The following SUMF1 variants were observed in gnomAD, a reference collection of about 807,000 sequenced individuals.
SUMF1 encodes the protein sulfatase modifying factor 1, also known as formylglycine-generating enzyme.
A neutral mutation model predicts 47.6 loss-of-function variants in SUMF1; 48 were observed. That is an observed-to-expected ratio of 1.01 (90% CI 0.80 to 1.28). The LOEUF (loss-of-function observed/expected upper bound fraction) is 1.28. Among genes scored for constraint, SUMF1 ranks in the 50% most tolerant of loss-of-function variants. The probability of loss-of-function intolerance (pLI) is 0.00; values close to 1 mark genes in which losing one functional copy is unlikely to be tolerated. For synonymous variants in SUMF1, 230 were observed against 192.1 expected, an observed-to-expected ratio of 1.20 and a Z score of -1.63; for missense variants, 571 against 485.4, an observed-to-expected ratio of 1.18 and a Z score of -1.66.
intron 8 of SUMF1, among the ~76,000 whole-genome samples, chr3:4,270,247 T>C (rs1027954957): frequency 6.6e-6 from 1 of 152,084 alleles, no homozygotes; most frequent in Non-Finnish European, 1.5e-5. Context: ...AGCACTGAAG[T>C]AAGCACTGAA....
At chr3:4,335,134 G>A (rs1699120024) in intron 8 of SUMF1, among the ~76,000 whole-genome samples, 1 of 152,056 alleles carries the variant, frequency 6.6e-6, no homozygotes, top group Non-Finnish European at 1.5e-5. Context: ...AACAAAAGAT[G>A]GACTGAAACA....
At chr3:4,179,233 G>C (rs537327425) in intron 8 of SUMF1, among the ~76,000 whole-genome samples, 1 of 152,022 alleles carries the variant, frequency 6.6e-6, no homozygotes, top group African/African-American at 2.4e-5. Context: ...GCCAAGACAA[G>C]CCTAAGCAAA....
chr3:4,453,094 G>A lies in SUMF1; in HGVS notation c.271-45C>T, dbSNP rs540534518. 3.9e-5 allele frequency: 62 copies of A among 1,579,750 alleles called. 1 individual carries two copies. The South Asian group carries it at 7.0e-4, about 18-fold the overall frequency. On this transcript the variant is annotated intron_variant, in intron 1 of 8. Transcript: ENST00000272902. Reference sequence around the variant, plus strand: ...ACAGGAAGTCATGCATCACAGCCAAGGTGTACCTGTGTAGGGGTAAAGTTC... The same window carrying A: ...ACAGGAAGTCATGCATCACAGCCAAAGTGTACCTGTGTAGGGGTAAAGTTC...
chr3:4,102,295 T>G (rs1693054289), intron 8 of SUMF1, among the ~76,000 whole-genome samples: 1 of 152,144 alleles, frequency 6.6e-6, no homozygotes, highest in African/African-American at 2.4e-5. Flanking sequence ...ACAAAAAGTT[T>G]AATATTAGAA....
Position 4,361,636 on chromosome 3 carries a change from G to A in SUMF1, c.*508C>T, listed in dbSNP as rs1316761784. ...CTTTACATGATTAGTATCACTCAAGGTTCACACATGGAAAAAATAGCTAAA... is the reference window on the plus strand; with the variant it reads ...CTTTACATGATTAGTATCACTCAAGATTCACACATGGAAAAAATAGCTAAA... On this transcript the variant is annotated 3_prime_UTR_variant, in exon 9 of 9. Transcript: ENST00000272902. 5 of 172,662 alleles carry A rather than the reference G, an allele frequency of 2.9e-5. No individual in the cohort carries two copies. Among genetic ancestry groups the A allele is most frequent in the South Asian group, 2.9e-4 (2 of 6,960 alleles). 10.7% of individuals were successfully genotyped at this position (172,662 alleles called of 1,614,324 possible).
intron 8 of SUMF1, among the ~76,000 whole-genome samples, chr3:4,134,441 C>T (rs934343022): frequency 2.0e-5 from 3 of 152,180 alleles, no homozygotes; most frequent in Admixed American, 6.5e-5. Flanking sequence ...ATACAACATA[C>T]CAGAATCTCT....
At chr3:4,416,567 T>C (rs698210) in intron 6 of SUMF1, among the ~76,000 whole-genome samples, 40,803 of 152,200 alleles carry the variant, frequency 0.27, 6,436 homozygotes, top group Non-Finnish European at 0.36. Flanking sequence ...GCTTTGGAAA[T>C]AAACCGACCT....
intron 8 of SUMF1, among the ~76,000 whole-genome samples, chr3:4,159,620 G>A (rs72492920): frequency 0.044 from 6,622 of 151,942 alleles, 425 homozygotes; most frequent in East Asian, 0.18. Flanking sequence ...GGTTCTGTGT[G>A]TACTTACTAC....
intron 3 of SUMF1, among the ~76,000 whole-genome samples, chr3:4,431,871 T>G (rs1383802340): frequency 6.6e-6 from 1 of 152,140 alleles, no homozygotes; most frequent in African/African-American, 2.4e-5. Flanking sequence ...AGTGTCTTGA[T>G]TTGGACAATA....
intron 8 of SUMF1, among the ~76,000 whole-genome samples, chr3:4,336,151 G>T (rs1699149125): frequency 6.6e-6 from 1 of 151,912 alleles, no homozygotes; most frequent in African/African-American, 2.4e-5. Flanking sequence ...GATGTGCCCA[G>T]GAAGAAACAC....
intron 9 of SUMF1, among the ~76,000 whole-genome samples, chr3:4,037,043 T>A (rs533505096): frequency 1.3e-5 from 2 of 151,958 alleles, no homozygotes; most frequent in Non-Finnish European, 2.9e-5. Flanking sequence ...GAAAGGTGTA[T>A]CACCACAGGA....
intron 8 of SUMF1, among the ~76,000 whole-genome samples, chr3:4,105,316 G>A (rs1196922129): frequency 1.3e-5 from 2 of 152,102 alleles, no homozygotes; most frequent in Non-Finnish European, 2.9e-5. Flanking sequence ...CTCTCGCATA[G>A]GCTGGTGATT....
chr3:4,255,456 G>A (rs1406250447), intron 8 of SUMF1, among the ~76,000 whole-genome samples: 1 of 102,462 alleles, frequency 9.8e-6, no homozygotes, highest in Admixed American at 9.9e-5. Context: ...AAAGGCAGGG[G>A]TTGCAATCCT....
chr3:4,055,005 C>G (rs765237157), intron 9 of SUMF1, among the ~76,000 whole-genome samples: 15 of 152,118 alleles, frequency 9.9e-5, no homozygotes, highest in Non-Finnish European at 2.2e-4. Context: ...ACTCAGATGC[C>G]TTACAAACAG....
chr3:4,253,372 T>C (rs111985765), intron 8 of SUMF1, among the ~76,000 whole-genome samples: 181 of 152,122 alleles, frequency 1.2e-3, no homozygotes, highest in African/African-American at 3.6e-3. Flanking sequence ...CACTAGGGAG[T>C]GCCAGACAGT....
chr3:4,176,995 T>G (rs1029856696), intron 8 of SUMF1, among the ~76,000 whole-genome samples: 12 of 152,218 alleles, frequency 7.9e-5, no homozygotes, highest in Non-Finnish European at 1.6e-4. Context: ...CTAACTATCC[T>G]AAATATATAT....
At chr3:4,131,683 A>C (rs1399640500) in intron 8 of SUMF1, among the ~76,000 whole-genome samples, 3 of 152,208 alleles carry the variant, frequency 2.0e-5, no homozygotes, top group Admixed American at 6.5e-5. Context: ...TTGGTGACAA[A>C]GAAATTTGGG....
At chr3:4,331,343 C>T (rs561573768) in intron 8 of SUMF1, among the ~76,000 whole-genome samples, 8 of 152,124 alleles carry the variant, frequency 5.3e-5, no homozygotes, top group South Asian at 4.1e-4. Flanking sequence ...TATACACTTT[C>T]GATGGAGAAT....
At chr3:4,162,540 T>G (rs768434376) in intron 8 of SUMF1, among the ~76,000 whole-genome samples, 1 of 152,178 alleles carries the variant, frequency 6.6e-6, no homozygotes, top group African/African-American at 2.4e-5. Flanking sequence ...GCTTCCTCCG[T>G]GGACATCAGC....
Sources: allele counts gnomAD v4.1 joint callset (sites outside exome capture counted in the v4.1 genomes callset), GRCh38; gene constraint gnomAD v4.1.1; transcripts MANE v1.5; gene names NCBI Gene and HGNC (gene_info 2026-07-23, HGNC 2026-07-21).